NTRK3: variants seen among roughly 807,000 people sequenced by gnomAD.
The protein encoded by NTRK3 is NT-3 growth factor receptor.
Under a neutral mutation model 91.7 loss-of-function variants are expected in NTRK3, and 24 were observed. That is an observed-to-expected ratio of 0.26 (90% CI 0.19 to 0.37). The LOEUF (loss-of-function observed/expected upper bound fraction) is 0.37, where lower values mean the gene tolerates loss of function less well. Among genes scored for constraint, NTRK3 ranks in the 10% least tolerant of loss-of-function variants. The pLI is 1.00. For synonymous variants in NTRK3, 483 were observed against 404.0 expected (o/e 1.20, Z -2.34); for missense variants, 880 against 1,068.9 (o/e 0.82, Z 2.46).
intron 6 of NTRK3, among the ~76,000 whole-genome samples, chr15:88,138,982 T>C (rs968057677): frequency 1.3e-5 from 2 of 152,218 alleles, no homozygotes; most frequent in Admixed American, 6.5e-5. Flanking sequence ...TTCCAAGATA[T>C]GCTCAAAGCC....
At chr15:88,245,857 G>C (rs989679199) in intron 3 of NTRK3, among the ~76,000 whole-genome samples, 1 of 152,186 alleles carries the variant, frequency 6.6e-6, no homozygotes, top group Non-Finnish European at 1.5e-5. Context: ...TCATTTAGTC[G>C]TTGCCATAAA....
At chr15:88,184,458 C>T (rs1045357030) in intron 3 of NTRK3, among the ~76,000 whole-genome samples, 159 bp from the exon 4 acceptor site, 4 of 152,198 alleles carry the variant, frequency 2.6e-5, no homozygotes, top group South Asian at 2.1e-4. Flanking sequence ...TCTTCCTCTG[C>T]GTGGTGGGGT....
chr15:88,237,453 C>T lies in NTRK3; in HGVS notation c.248+18453G>A, dbSNP rs905755779. Among the ~76,000 whole-genome samples the T allele has an allele frequency of 6.6e-6, 1 of 152,164 alleles. No individual in the cohort carries two copies. The highest frequency in any genetic ancestry group is 2.4e-5 in the African/African-American group (1 of 41,438). On this transcript the variant is annotated intron_variant, in intron 3 of 18. Coordinates refer to ENST00000394480, the Ensembl canonical transcript of NTRK3. This position sits in a 1 kb window ranked among gnomAD's most constrained non-coding sequence, Gnocchi z 4.0. ...TCATTGTGTGGGGGTGGAGGGATGC[C>T]TAACATGGTTACTGACACAAGTGTG...
chr15:88,048,579 C>T (rs1400420574), intron 13 of NTRK3, among the ~76,000 whole-genome samples: 1 of 152,158 alleles, frequency 6.6e-6, no homozygotes, highest in Non-Finnish European at 1.5e-5. Flanking sequence ...TGGCCCCACA[C>T]CTCTCTTAAC....
intron 18 of NTRK3, 58 bp from the exon 20 acceptor site, chr15:87,877,178 C>T (rs2141439781): frequency 6.3e-7 from 1 of 1,582,708 alleles, no homozygotes. Flanking sequence ...GGTCCTGTGG[C>T]TCAGACTCGG....
At chr15:87,866,251 T>C in exon 19 of NTRK3, 1 of 210,816 alleles carries the variant, frequency 4.7e-6, no homozygotes, top group Non-Finnish European at 9.6e-6. Context: ...TACCACACTT[T>C]CCATCTGTTT....
chr15:88,019,789 C>T (rs1057007208), intron 14 of NTRK3, among the ~76,000 whole-genome samples: 1 of 152,202 alleles, frequency 6.6e-6, no homozygotes, highest in Non-Finnish European at 1.5e-5. Flanking sequence ...AGTCCTAATA[C>T]ACTTCATCAG....
chr15:87,989,570 G>C (rs975072306), intron 14 of NTRK3, among the ~76,000 whole-genome samples: 4 of 152,044 alleles, frequency 2.6e-5, no homozygotes, highest in African/African-American at 9.7e-5. Context: ...GTTAATGGGT[G>C]CAGCACACCA....
chr15:88,100,680 C>T (rs1335647075), intron 13 of NTRK3, among the ~76,000 whole-genome samples: 1 of 152,280 alleles, frequency 6.6e-6, no homozygotes, highest in South Asian at 2.1e-4. Flanking sequence ...GAGTGAATGC[C>T]TGGGGCTCTG....
intron 13 of NTRK3, among the ~76,000 whole-genome samples, chr15:88,076,672 T>TAAAAAAAA (rs34053167): frequency 2.5e-5 from 3 of 120,384 alleles, no homozygotes. Flanking sequence ...TATACATATG[T>TAAAAAAAA]AAAAAAAAAA....
intron 14 of NTRK3, among the ~76,000 whole-genome samples, chr15:87,971,515 G>A (rs889485776): frequency 2.6e-5 from 4 of 152,226 alleles, no homozygotes; most frequent in Non-Finnish European, 5.9e-5. Context: ...CCAGTACTCT[G>A]GAATGTTCCT....
rs1023718459 is a variant in NTRK3 at position 88,132,982 on chromosome 15, T to A, written c.1204+2119A>T. Among the ~76,000 whole-genome samples, 6 of 152,124 alleles carry A rather than the reference T, an allele frequency of 3.9e-5. No homozygotes were observed. The South Asian group carries it at 8.3e-4, about 21-fold the overall frequency. ...GCCAGATTCCCACTCAATTCCAGGG[T>A]AGTAGATTGCAAAGGAGGGAGTACT... On this transcript the variant is annotated intron_variant, in intron 10 of 18. Coordinates refer to ENST00000394480, the Ensembl canonical transcript of NTRK3.
At chr15:88,185,092 A>C (rs2046840022) in intron 3 of NTRK3, among the ~76,000 whole-genome samples, 1 of 152,214 alleles carries the variant, frequency 6.6e-6, no homozygotes, top group African/African-American at 2.4e-5. Context: ...CTGGATCAGC[A>C]GTTTCTCCCC....
chr15:88,153,208 T>C (rs1428798589), intron 5 of NTRK3, among the ~76,000 whole-genome samples: 1 of 152,178 alleles, frequency 6.6e-6, no homozygotes, highest in Non-Finnish European at 1.5e-5. Context: ...AGATCTAACA[T>C]CATCAAGTAT....
At chr15:87,908,085 G>T (rs1327455861) in intron 17 of NTRK3, among the ~76,000 whole-genome samples, 1 of 152,128 alleles carries the variant, frequency 6.6e-6, no homozygotes, top group Admixed American at 6.5e-5. Context: ...AGCACCCAAA[G>T]TGTACTCAAA....
At chr15:87,957,135 C>A (rs1379205107) in intron 14 of NTRK3, among the ~76,000 whole-genome samples, 1 of 152,156 alleles carries the variant, frequency 6.6e-6, no homozygotes, top group Admixed American at 6.5e-5. Flanking sequence ...AGTTACCTAA[C>A]ATTTCTGGTC....
intron 13 of NTRK3, among the ~76,000 whole-genome samples, chr15:88,103,390 G>A (rs2050371710): frequency 6.6e-6 from 1 of 152,030 alleles, no homozygotes; most frequent in African/African-American, 2.4e-5. Flanking sequence ...TTTCAAACTT[G>A]CCAGGCTTCA....
exon 19 of NTRK3, chr15:87,870,547 C>A (rs1272635894): frequency 1.9e-5 from 4 of 207,662 alleles, no homozygotes; most frequent in African/African-American, 6.8e-5. Context: ...CTCATGTAAC[C>A]AAACACTACC....
At chr15:88,189,863 A>C (rs2047248663) in intron 3 of NTRK3, among the ~76,000 whole-genome samples, 1 of 152,192 alleles carries the variant, frequency 6.6e-6, no homozygotes, top group African/African-American at 2.4e-5. Context: ...TGTGTGGTCC[A>C]TATTTTAATT....
Sources: gnomAD v4.1 joint callset for allele counts (sites outside exome capture counted in the v4.1 genomes callset) on GRCh38, gnomAD v4.1.1 for gene constraint, Gnocchi (gnomAD v3.1) non-coding constraint, MANE v1.5 for transcripts, NCBI Gene and HGNC (gene_info 2026-07-23, HGNC 2026-07-21) for gene names.